SLCO1A2: variants seen among roughly 807,000 people sequenced by gnomAD.
The protein encoded by SLCO1A2 is OATP-1.
SLCO1A2 carries 67 observed loss-of-function variants against 69.0 expected under a neutral mutation model. That is an observed-to-expected ratio of 0.97 (90% confidence interval 0.80 to 1.19). The LOEUF (loss-of-function observed/expected upper bound fraction) is 1.19. Among genes scored for constraint, SLCO1A2 ranks in the 50% most tolerant of loss-of-function variants. The pLI, the probability that SLCO1A2 is intolerant of heterozygous loss-of-function variation, is 0.00. For synonymous variants in SLCO1A2, 260 were observed against 265.9 expected, an observed-to-expected ratio of 0.98 and a Z score of 0.22; for missense variants, 787 against 793.7, an observed-to-expected ratio of 0.99 and a Z score of 0.10.
At chr12:21,368,365 T>C (rs1172978707) in intron 2 of SLCO1A2, among the ~76,000 whole-genome samples, 1 of 152,076 alleles carries the variant, frequency 6.6e-6, no homozygotes, top group Non-Finnish European at 1.5e-5. Flanking sequence ...ATTTTTTAAA[T>C]ATCAGTAATG....
intron 2 of SLCO1A2, among the ~76,000 whole-genome samples, chr12:21,342,927 T>C (rs543373012): frequency 6.6e-6 from 1 of 152,158 alleles, no homozygotes; most frequent in South Asian, 2.1e-4. Context: ...AGAGCAGCTC[T>C]AGGGGGAAAA....
intron 3 of SLCO1A2, among the ~76,000 whole-genome samples, chr12:21,318,538 GA>G (rs1951182800): frequency 6.6e-6 from 1 of 152,058 alleles, no homozygotes; most frequent in African/African-American, 2.4e-5. Context: ...ACATAACTAA[GA>G]AACTATTAGA....
intron 1 of SLCO1A2, 51 bp downstream of exon 1, chr12:21,334,776 A>T (rs1952823799): frequency 1.5e-6 from 1 of 686,728 alleles, no homozygotes; most frequent in East Asian, 2.8e-5. Flanking sequence ...CTTTTGAAGT[A>T]AGTGCTGAAA....
Position 21,292,148 on chromosome 12 carries a change from G to T in SLCO1A2, c.1610+16C>A, listed in dbSNP as rs368883991. 3 of 1,512,102 alleles carry T rather than the reference G, an allele frequency of 2.0e-6. No individual in the cohort carries two copies. Among genetic ancestry groups the T allele is most frequent in the Non-Finnish European group, 2.7e-6 (3 of 1,131,614 alleles). The allele number at this position is 1,512,102 out of a possible 1,614,324, so 93.7% of individuals were successfully genotyped here. ...ATGACCCCAAAAAAATATAAATAAA[G>T]AAAATAATTTTGTACCTCAAGAGAA... On this transcript the variant is annotated intron_variant, in intron 12 of 14. Transcript: ENST00000683939.
At chr12:21,341,355 T>G (rs1021310051) in intron 2 of SLCO1A2, among the ~76,000 whole-genome samples, 5 of 152,034 alleles carry the variant, frequency 3.3e-5, no homozygotes, top group African/African-American at 9.7e-5. Flanking sequence ...ATTTTTCCTT[T>G]AGGAATTTCT....
chr12:21,294,311 A>G (rs4149001), intron 10 of SLCO1A2: 35,366 of 393,856 alleles, frequency 0.09, 3,031 homozygotes, highest in East Asian at 0.31. Context: ...CACTCCTTCA[A>G]TGATTTATCT....
At chr12:21,417,679 T>G (rs1343107475) in intron 1 of SLCO1A2, among the ~76,000 whole-genome samples, 1 of 152,050 alleles carries the variant, frequency 6.6e-6, no homozygotes, top group East Asian at 1.9e-4. Context: ...TAAACCTATA[T>G]GGAACTAATA....
intron 1 of SLCO1A2, among the ~76,000 whole-genome samples, chr12:21,412,193 CA>C (rs1941918013): frequency 6.6e-6 from 1 of 152,054 alleles, no homozygotes; most frequent in Non-Finnish European, 1.5e-5. Flanking sequence ...CCAGCCTAAC[CA>C]ACATGGAGAA....
upstream of SLCO1A2, among the ~76,000 whole-genome samples, chr12:21,336,370 C>G (rs911637902): frequency 2.6e-5 from 4 of 151,894 alleles, no homozygotes; most frequent in South Asian, 8.3e-4. Context: ...ATATAGTTCC[C>G]TCCATGAATT....
At chr12:21,336,423 C>G (rs12316436), upstream of SLCO1A2, among the ~76,000 whole-genome samples, 4 of 151,732 alleles carry the variant, frequency 2.6e-5, no homozygotes, top group African/African-American at 9.7e-5. Flanking sequence ...TTCACTATGT[C>G]TGGAAGATTT....
rs1328144946 is a variant in SLCO1A2 at position 21,334,629 on chromosome 12, T to A, written c.19A>T (p.Arg7Ter). Reference protein sequence around the residue: MGETEKRIETHRIRCLS... With the variant: MGETEK The stretch of plus-strand genomic sequence containing the variant: ...CATCTTATTCTATGGGTTTCAATTC[T>A]TTTCTCAGTTTCTCCCATGTTGCTC... Residue 7 changes from arginine (R) to a stop codon, truncating the protein, a stop_gained, in exon 2 of 15, where the codon AGA becomes TGA. Coordinates refer to ENST00000683939, the MANE Select transcript of SLCO1A2 (RefSeq NM_001386879.1). LOFTEE classifies it high-confidence loss of function. 1 of 1,610,470 alleles carries A rather than the reference T, an allele frequency of 6.2e-7. No individual in the cohort carries two copies. The highest frequency in any genetic ancestry group is 1.1e-5 in the South Asian group (1 of 90,678).
intron 1 of SLCO1A2, among the ~76,000 whole-genome samples, chr12:21,413,233 TTTTC>T (rs1233418083): frequency 9.8e-6 from 1 of 102,254 alleles, no homozygotes; most frequent in African/African-American, 3.6e-5. Flanking sequence ...TTCTTTTTCT[TTTTC>T]TTTTTTTTTT....
At chr12:21,318,097 T>C (rs186018667) in intron 3 of SLCO1A2, among the ~76,000 whole-genome samples, 126 of 151,998 alleles carry the variant, frequency 8.3e-4, no homozygotes, top group Non-Finnish European at 1.6e-3. Context: ...TCCAACAATA[T>C]CTTCTACATC....
chr12:21,346,973 CAA>C (rs765508343), intron 2 of SLCO1A2, among the ~76,000 whole-genome samples: 1 of 125,182 alleles, frequency 8.0e-6, no homozygotes, highest in Non-Finnish European at 1.7e-5. Flanking sequence ...TTCAAACATC[CAA>C]AAAAAAAAAA....
intron 2 of SLCO1A2, among the ~76,000 whole-genome samples, chr12:21,371,234 C>T (rs757904707): frequency 2.0e-5 from 3 of 152,158 alleles, no homozygotes; most frequent in African/African-American, 4.8e-5. Context: ...CACTAGGGGG[C>T]GTGTCTTATG....
chr12:21,378,478 T>A (rs1940373095), intron 1 of SLCO1A2: 6 of 1,461,594 alleles, frequency 4.1e-6, no homozygotes, highest in Admixed American at 3.3e-5. Context: ...ATTTCCTGTA[T>A]AATTTAACAG....
chr12:21,275,326 C>T (rs756911400), intron 13 of SLCO1A2, 34 bp downstream of exon 13: 1 of 1,500,752 alleles, frequency 6.7e-7, no homozygotes, highest in Admixed American at 1.8e-5. Context: ...TAATATTGTT[C>T]TGATAGGATG....
At position 21,323,057 on chromosome 12, in the gene SLCO1A2, GC is replaced by G. The variant is rs1003867602; in HGVS notation, c.61-4135del. On this transcript the variant is annotated intron_variant, in intron 2 of 14. Transcript: ENST00000683939. ...ACTTATAGCAAATTAAATGTTCTAG[GC>G]CAGATAGGAATGGACATGGACAAGT... Among the ~76,000 whole-genome samples, 27 of 152,204 alleles carry G rather than the reference GC, an allele frequency of 1.8e-4. No homozygotes were observed. In the South Asian group the frequency reaches 2.7e-3, roughly 15 times the overall value.
At chr12:21,379,903 G>A (rs1031021341) in intron 1 of SLCO1A2, 1 of 152,072 alleles carries the variant, frequency 6.6e-6, no homozygotes. Flanking sequence ...AGTGTATAGA[G>A]GCAGGGAAAT....
Sources: allele counts gnomAD v4.1 joint callset (sites outside exome capture counted in the v4.1 genomes callset), GRCh38; gene constraint gnomAD v4.1.1; transcripts MANE v1.5; gene names NCBI Gene and HGNC (gene_info 2026-07-23, HGNC 2026-07-21).